Variants in SH3GL3 observed in about 807,000 individuals in gnomAD.
SH3GL3 encodes endophilin-A3.
Under a neutral mutation model 47.7 loss-of-function variants are expected in SH3GL3, and 33 were observed. The observed-to-expected ratio is 0.69, with a 90% confidence interval of 0.52 to 0.92. The LOEUF is 0.92. Ranked by LOEUF, SH3GL3 falls within the 40% of genes least tolerant of loss-of-function variation. SH3GL3 has a pLI of 0.00. For missense variants in SH3GL3, 363 were observed against 417.8 expected, an observed-to-expected ratio of 0.87 and a Z score of 1.14; for synonymous variants, 155 against 148.8, an observed-to-expected ratio of 1.04 and a Z score of -0.30.
Position 83,576,565 on chromosome 15 carries a change from T to C in SH3GL3, c.466-18T>C. 6.3e-7 allele frequency: 1 copy of C among 1,593,356 alleles called. No individual in the cohort carries two copies. Among genetic ancestry groups the C allele is most frequent in the Admixed American group, 1.9e-5 (1 of 53,598 alleles). Reference sequence around the variant, plus strand: ...TGAATGTAGCACCTCTCTGAGGGACTCCATTCTCTTTTTTTAGCATCACCT... The same window carrying C: ...TGAATGTAGCACCTCTCTGAGGGACCCCATTCTCTTTTTTTAGCATCACCT... On this transcript the variant is annotated intron_variant, in intron 5 of 8. Coordinates refer to ENST00000427482, the MANE Select transcript of SH3GL3 (RefSeq NM_003027.5).
rs945605175 is a variant in SH3GL3 at position 83,550,555 on chromosome 15, A to G, written c.46-8698A>G. On this transcript the variant is annotated intron_variant, in intron 1 of 8. Transcript: ENST00000427482. Reference sequence around the variant, plus strand: ...CAGGTGTGCACCACCATGCCTGGCTAATTTTTGTATTTTTACTAGAGATGG... The same window carrying G: ...CAGGTGTGCACCACCATGCCTGGCTGATTTTTGTATTTTTACTAGAGATGG... 2.0e-5 allele frequency among the ~76,000 whole-genome samples: 3 copies of G among 151,846 alleles called. No individual in the cohort carries two copies. The South Asian group carries it at 6.2e-4, about 32-fold the overall frequency.
intron 3 of SH3GL3, among the ~76,000 whole-genome samples, chr15:83,566,853 C>CA (rs1491174050): frequency 1.3e-5 from 2 of 152,182 alleles, no homozygotes; most frequent in Admixed American, 1.3e-4. Flanking sequence ...TGTCACTACT[C>CA]ACAGTGCATT....
At chr15:83,565,527 TTCC>T in intron 3 of SH3GL3, 1 of 230,084 alleles carries the variant, frequency 4.3e-6, no homozygotes, top group South Asian at 7.9e-5. Context: ...TCTTCCTTAT[TTCC>T]TCTTTATAAT....
intron 1 of SH3GL3, among the ~76,000 whole-genome samples, chr15:83,483,340 C>G (rs1269507948): frequency 2.0e-5 from 3 of 152,172 alleles, no homozygotes; most frequent in Admixed American, 1.3e-4. Flanking sequence ...TCTGAGCTGC[C>G]TGGTATGATA....
intron 1 of SH3GL3, among the ~76,000 whole-genome samples, chr15:83,550,330 G>C (rs564135019): frequency 3.3e-5 from 5 of 152,276 alleles, no homozygotes; most frequent in Non-Finnish European, 4.4e-5. Context: ...GTAATTGTAG[G>C]AAATGCCACA....
At chr15:83,559,128 GGAGT>G in intron 1 of SH3GL3, 121 bp from the exon 2 acceptor site, 1 of 633,560 alleles carries the variant, frequency 1.6e-6, no homozygotes, top group East Asian at 2.7e-5. Flanking sequence ...TTTTCTTAAA[GGAGT>G]TAGTTCAAAA....
At chr15:83,597,620 T>A (rs955715465) in intron 8 of SH3GL3, among the ~76,000 whole-genome samples, 59 of 151,754 alleles carry the variant, frequency 3.9e-4, no homozygotes, top group African/African-American at 1.0e-3. Flanking sequence ...TATTATTATT[T>A]TTTTTTGAGA....
intron 1 of SH3GL3, among the ~76,000 whole-genome samples, chr15:83,503,261 C>T (rs1874187): frequency 0.18 from 27,424 of 151,756 alleles, 2,879 homozygotes; most frequent in South Asian, 0.44. Flanking sequence ...GGATATATAC[C>T]CAATATTATT....
At chr15:83,541,237 G>A (rs1046102826) in intron 1 of SH3GL3, among the ~76,000 whole-genome samples, 7 of 149,440 alleles carry the variant, frequency 4.7e-5, no homozygotes, top group African/African-American at 1.5e-4. Context: ...AATATGGGCA[G>A]CAGATATCTC....
Position 83,537,889 on chromosome 15 carries a change from A to G in SH3GL3, c.46-21364A>G, listed in dbSNP as rs139788103. The stretch of plus-strand genomic sequence containing the variant: ...ATGTTATGGATATGCCTCTCTCTCT[A>G]TAGATATATCTATATAGATATATGT... On this transcript the variant is annotated intron_variant, in intron 1 of 8. Transcript: ENST00000427482. Among the ~76,000 whole-genome samples the G allele has an allele frequency of 4.7e-4, 71 of 152,216 alleles. No homozygotes were observed. The East Asian group carries it at 9.1e-3, about 19-fold the overall frequency.
chr15:83,563,081 G>A (rs1223507987), intron 2 of SH3GL3, among the ~76,000 whole-genome samples: 1 of 152,118 alleles, frequency 6.6e-6, no homozygotes, highest in Non-Finnish European at 1.5e-5. Context: ...GAACAAATAC[G>A]ATTTCAGGCT....
intron 1 of SH3GL3, among the ~76,000 whole-genome samples, chr15:83,496,237 T>C (rs1156747295): frequency 2.0e-5 from 3 of 151,022 alleles, no homozygotes; most frequent in Non-Finnish European, 4.4e-5. Flanking sequence ...CACGTGCCTG[T>C]AGTCTCAGCT....
chr15:83,475,486 A>C (rs2151542753), intron 1 of SH3GL3, among the ~76,000 whole-genome samples: 1 of 152,290 alleles, frequency 6.6e-6, no homozygotes, highest in Non-Finnish European at 1.5e-5. Flanking sequence ...CTCAATAAAT[A>C]AATCAATAAA....
At chr15:83,611,824 A>G (rs1197609672) in intron 8 of SH3GL3, among the ~76,000 whole-genome samples, 1 of 152,126 alleles carries the variant, frequency 6.6e-6, no homozygotes, top group Non-Finnish European at 1.5e-5. Context: ...CATTGAGGAA[A>G]TCCAGCCCAT....
chr15:83,579,248 G>T (rs2059767756), intron 6 of SH3GL3, among the ~76,000 whole-genome samples: 2 of 152,232 alleles, frequency 1.3e-5, no homozygotes, highest in Admixed American at 1.3e-4. Context: ...AGGGGCTCTG[G>T]TGCTGGCCTT....
chr15:83,467,833 A>G (rs1032856031), intron 1 of SH3GL3, among the ~76,000 whole-genome samples: 1 of 150,114 alleles, frequency 6.7e-6, no homozygotes, highest in Non-Finnish European at 1.5e-5. Context: ...TTCTTTTTTT[A>G]TTTTATTTTT....
intron 1 of SH3GL3, among the ~76,000 whole-genome samples, chr15:83,536,840 T>C (rs866962244): frequency 1.3e-5 from 2 of 152,230 alleles, no homozygotes; most frequent in Non-Finnish European, 2.9e-5. Flanking sequence ...TAGGTATTAA[T>C]GAAAACTTTA....
In SH3GL3 at chr15:83,522,267, G is replaced by A. The variant is rs546532822; in HGVS notation, c.46-36986G>A. On this transcript the variant is annotated intron_variant, in intron 1 of 8. Coordinates refer to ENST00000427482, the MANE Select transcript of SH3GL3 (RefSeq NM_003027.5). ...CAAAGTTAGAGGAGCCAGCAGAGGC[G>A]AGCTCATCCTAATGGAGATCACTTC... Among the ~76,000 whole-genome samples, 16 of 152,252 alleles carry A rather than the reference G, an allele frequency of 1.1e-4. No individual in the cohort carries two copies. The South Asian group carries it at 2.9e-3, about 28-fold the overall frequency.
chr15:83,577,092 G>A (rs2059703158), intron 6 of SH3GL3, among the ~76,000 whole-genome samples: 1 of 151,758 alleles, frequency 6.6e-6, no homozygotes, highest in South Asian at 2.1e-4. Flanking sequence ...TGTATTTTTA[G>A]TAGAGATAGG....
Sources: gnomAD v4.1 joint callset for allele counts (sites outside exome capture counted in the v4.1 genomes callset) on GRCh38, gnomAD v4.1.1 for gene constraint, MANE v1.5 for transcripts, NCBI Gene and HGNC (gene_info 2026-07-23, HGNC 2026-07-21) for gene names.